The following SYNPR variants were observed in gnomAD, a reference collection of about 807,000 sequenced individuals.
SYNPR encodes the protein synaptoporin.
A neutral mutation model predicts 32.9 loss-of-function variants in SYNPR; 23 were observed. The ratio of observed to expected loss-of-function variants is 0.70; its 90% CI spans 0.50 to 0.99. The LOEUF (loss-of-function observed/expected upper bound fraction) is 0.99. SYNPR is among the 50% of genes least tolerant of loss of function. The pLI, the probability that SYNPR is intolerant of heterozygous loss-of-function variation, is 0.00. For synonymous variants in SYNPR, 146 were observed against 135.9 expected, an observed-to-expected ratio of 1.07 and a Z score of -0.52; for missense variants, 318 against 349.3, an observed-to-expected ratio of 0.91 and a Z score of 0.71.
At chr3:63,531,616 A>G (rs1035236527) in intron 3 of SYNPR, among the ~76,000 whole-genome samples, 2 of 152,166 alleles carry the variant, frequency 1.3e-5, no homozygotes. Flanking sequence ...GACTTCAACA[A>G]AAGCTTTTTG....
intron 2 of SYNPR, among the ~76,000 whole-genome samples, chr3:63,389,808 CTCTT>C (rs139224771): frequency 0.021 from 3,176 of 152,324 alleles, 120 homozygotes; most frequent in African/African-American, 0.071. Flanking sequence ...TATTTCTATT[CTCTT>C]TCTTTCACTG....
intron 2 of SYNPR, among the ~76,000 whole-genome samples, chr3:63,438,867 T>C (rs1248114935): frequency 6.6e-6 from 1 of 152,184 alleles, no homozygotes; most frequent in Non-Finnish European, 1.5e-5. Context: ...CTAACTCTCT[T>C]GGTCATTTAT....
chr3:63,509,667 A>G (rs1407803574), intron 3 of SYNPR, among the ~76,000 whole-genome samples: 4 of 152,106 alleles, frequency 2.6e-5, no homozygotes, highest in Admixed American at 1.3e-4. Context: ...AAATGCTAAT[A>G]AAAACTAATA....
chr3:63,304,354 TTGTGTGTGTGTGTGTG>T (rs34570930), intron 2 of SYNPR, among the ~76,000 whole-genome samples: 2 of 146,522 alleles, frequency 1.4e-5, no homozygotes, highest in Non-Finnish European at 3.0e-5. Context: ...GTGTGTGTGT[TTGTGTGTGTGTGTGTG>T]TGTGTGTGTG....
intron 2 of SYNPR, among the ~76,000 whole-genome samples, chr3:63,438,323 C>G (rs1425707425): frequency 1.3e-5 from 2 of 152,194 alleles, no homozygotes; most frequent in East Asian, 3.9e-4. Flanking sequence ...ACTTTTCCCT[C>G]TACTTTCAGC....
intron 1 of SYNPR, among the ~76,000 whole-genome samples, chr3:63,239,303 C>T (rs896113956): frequency 2.6e-5 from 4 of 151,718 alleles, no homozygotes; most frequent in African/African-American, 9.7e-5. Context: ...CCCATACTAC[C>T]ATTGTCACCC....
intron 4 of SYNPR, among the ~76,000 whole-genome samples, chr3:63,601,423 G>A (rs958169767): frequency 1.3e-5 from 2 of 152,136 alleles, no homozygotes; most frequent in Non-Finnish European, 2.9e-5. Flanking sequence ...TGTCACGGGG[G>A]CTTGGTGTAC....
chr3:63,288,471 A>G (rs2086706793), intron 2 of SYNPR, among the ~76,000 whole-genome samples: 1 of 152,240 alleles, frequency 6.6e-6, no homozygotes, highest in African/African-American at 2.4e-5. Context: ...CTCTCTGATT[A>G]GGGGATAGCT....
In SYNPR at chr3:63,489,445, C is replaced by T. The variant is rs1169027919; in HGVS notation, c.209+8489C>T. On this transcript the variant is annotated intron_variant, in intron 3 of 5. Transcript: ENST00000478300. ...TCATTGTATACAGAAATGGTGAGAACAAGAGAGATACGGGTGGGCAACCAA... is the reference window on the plus strand; with the variant it reads ...TCATTGTATACAGAAATGGTGAGAATAAGAGAGATACGGGTGGGCAACCAA... Among the ~76,000 whole-genome samples, 5 of 152,144 alleles carry T rather than the reference C, an allele frequency of 3.3e-5. No individual in the cohort carries two copies. In the East Asian group the frequency reaches 9.6e-4, roughly 29 times the overall value.
At chr3:63,302,101 A>G (rs1228557037) in intron 2 of SYNPR, among the ~76,000 whole-genome samples, 2 of 151,954 alleles carry the variant, frequency 1.3e-5, no homozygotes, top group Admixed American at 6.6e-5. Context: ...TCGTTTCATC[A>G]TTTTCTACCC....
chr3:63,446,755 C>A (rs115679595), intron 2 of SYNPR, among the ~76,000 whole-genome samples: 2,004 of 152,086 alleles, frequency 0.013, 49 homozygotes, highest in African/African-American at 0.046. Context: ...AACAAACAAA[C>A]CGCTAACAAG....
At chr3:63,279,160 TG>T in intron 2 of SYNPR, among the ~76,000 whole-genome samples, 1 of 152,168 alleles carries the variant, frequency 6.6e-6, no homozygotes, top group African/African-American at 2.4e-5. Context: ...CGGGAAGACT[TG>T]GCCAAGCTCA....
intron 2 of SYNPR, among the ~76,000 whole-genome samples, chr3:63,449,338 A>C (rs1006456783): frequency 6.6e-6 from 1 of 152,192 alleles, no homozygotes; most frequent in African/African-American, 2.4e-5. Context: ...AGAAATAAAC[A>C]AGATACACTA....
At chr3:63,272,814 A>C (rs575202836) in intron 3 of SYNPR, among the ~76,000 whole-genome samples, 2 of 152,200 alleles carry the variant, frequency 1.3e-5, no homozygotes, top group African/African-American at 4.8e-5. Flanking sequence ...TGGCTGCAGC[A>C]CCAGATTAAA....
At chr3:63,415,814 T>C (rs11918580) in intron 2 of SYNPR, among the ~76,000 whole-genome samples, 7,548 of 152,288 alleles carry the variant, frequency 0.05, 617 homozygotes, top group African/African-American at 0.17. Context: ...CTGCAGCAAA[T>C]TGCAACACAG....
At chr3:63,386,750 G>T (rs181125051) in intron 2 of SYNPR, among the ~76,000 whole-genome samples, 18 of 152,220 alleles carry the variant, frequency 1.2e-4, no homozygotes, top group Admixed American at 1.1e-3. Flanking sequence ...CCTCCAGCCC[G>T]GGTCAGCCTG....
At chr3:63,239,243 G>T (rs1384824115) in intron 1 of SYNPR, among the ~76,000 whole-genome samples, 1 of 123,550 alleles carries the variant, frequency 8.1e-6, no homozygotes, top group Non-Finnish European at 1.8e-5. Flanking sequence ...GACTAGTAAA[G>T]TGTGACATGT....
intron 2 of SYNPR, among the ~76,000 whole-genome samples, chr3:63,397,339 G>A (rs944944815): frequency 3.9e-5 from 6 of 152,160 alleles, no homozygotes; most frequent in African/African-American, 1.4e-4. Context: ...TTTGTTTAAT[G>A]CAGAGAACTT....
intron 1 of SYNPR, among the ~76,000 whole-genome samples, chr3:63,233,009 T>C (rs2086177357): frequency 6.6e-6 from 1 of 152,300 alleles, no homozygotes; most frequent in Admixed American, 6.5e-5. Flanking sequence ...ACTTTACTAA[T>C]TTCATCTGAA....
Sources: allele counts gnomAD v4.1 joint callset (sites outside exome capture counted in the v4.1 genomes callset), GRCh38; gene constraint gnomAD v4.1.1; transcripts MANE v1.5; gene names NCBI Gene and HGNC (gene_info 2026-07-23, HGNC 2026-07-21).